The following CORO1C variants were observed in gnomAD, a reference collection of about 807,000 sequenced individuals.
CORO1C encodes the protein coronin 1C, also known as coronin-1C.
Under a neutral mutation model 51.2 loss-of-function variants are expected in CORO1C, and 14 were observed. The observed-to-expected ratio is 0.27, with a 90% CI of 0.18 to 0.43. The LOEUF (loss-of-function observed/expected upper bound fraction) is 0.43. Ranked by LOEUF, CORO1C falls within the 20% of genes least tolerant of loss-of-function variation. The pLI is 1.00. For missense variants in CORO1C, 417 were observed against 607.8 expected (o/e 0.69, Z 3.30); for synonymous variants, 181 against 210.5 (o/e 0.86, Z 1.21).
chr12:108,692,371 G>A (rs891335195), intron 2 of CORO1C, among the ~76,000 whole-genome samples: 46 of 152,324 alleles, frequency 3.0e-4, no homozygotes, highest in South Asian at 1.0e-3. Context: ...AAGGGCTACC[G>A]GCACTGCCAC....
At chr12:108,688,338 T>G (rs531075128) in intron 2 of CORO1C, among the ~76,000 whole-genome samples, 1 of 152,312 alleles carries the variant, frequency 6.6e-6, no homozygotes, top group East Asian at 1.9e-4. Flanking sequence ...TACACAAACA[T>G]GTACAGAAAA....
At chr12:108,711,548 T>C (rs1195166758) in intron 1 of CORO1C, among the ~76,000 whole-genome samples, 2 of 151,822 alleles carry the variant, frequency 1.3e-5, no homozygotes, top group Non-Finnish European at 2.9e-5. Context: ...GGCTTGGTGG[T>C]ACATGCCTGT....
intron 2 of CORO1C, among the ~76,000 whole-genome samples, chr12:108,696,566 T>A (rs2034693535): frequency 6.6e-6 from 1 of 152,184 alleles, no homozygotes; most frequent in Non-Finnish European, 1.5e-5. Context: ...GCCAACGTGG[T>A]AGATTACACA....
intron 1 of CORO1C, among the ~76,000 whole-genome samples, chr12:108,726,787 G>T (rs2035603973): frequency 6.6e-6 from 1 of 152,170 alleles, no homozygotes; most frequent in East Asian, 1.9e-4. Context: ...GTATGCATTT[G>T]GTGTGACTAA....
intron 1 of CORO1C, among the ~76,000 whole-genome samples, chr12:108,712,570 CAAAAAAAAA>C (rs138128974): frequency 1.5e-5 from 1 of 66,536 alleles, no homozygotes; most frequent in Non-Finnish European, 2.8e-5. Flanking sequence ...GAAACTGTCT[CAAAAAAAAA>C]AAAAAAAAAA....
chr12:108,660,579 C>CA (rs373525820), intron 4 of CORO1C, among the ~76,000 whole-genome samples: 10 of 151,892 alleles, frequency 6.6e-5, no homozygotes, highest in African/African-American at 2.4e-4. Context: ...TATAGGCAAA[C>CA]AGGTAACTTC....
chr12:108,667,018 T>C (rs1285986880), intron 3 of CORO1C, among the ~76,000 whole-genome samples: 1 of 152,046 alleles, frequency 6.6e-6, no homozygotes, highest in Non-Finnish European at 1.5e-5. Context: ...CATGGCTTAC[T>C]GTGCGGATAC....
rs376380472 is a variant in CORO1C at position 108,657,460 on chromosome 12, G to C, written c.631-37C>G. 6 of 1,603,432 alleles carry C rather than the reference G, an allele frequency of 3.7e-6. No individual in the cohort carries two copies. In the African/African-American group the frequency reaches 8.0e-5, roughly 21 times the overall value. Reference sequence around the variant, plus strand: ...AAAGGCACATGCCACACATTAAACTGCAAGAAGACAAGGTGAGTGGAGAAA... The same window carrying C: ...AAAGGCACATGCCACACATTAAACTCCAAGAAGACAAGGTGAGTGGAGAAA... On this transcript the variant is annotated intron_variant, in intron 5 of 10. Transcript: ENST00000261401.
chr12:108,704,619 C>T (rs2034974545), intron 1 of CORO1C, among the ~76,000 whole-genome samples: 1 of 152,188 alleles, frequency 6.6e-6, no homozygotes, highest in African/African-American at 2.4e-5. Context: ...CCAGTGCTTC[C>T]GCAGTGCTGT....
intron 1 of CORO1C, among the ~76,000 whole-genome samples, chr12:108,718,568 A>G (rs2035399036): frequency 6.6e-6 from 1 of 151,884 alleles, no homozygotes; most frequent in Non-Finnish European, 1.5e-5. Flanking sequence ...AAAGAAAAGA[A>G]AAGAAAATGA....
intron 1 of CORO1C, among the ~76,000 whole-genome samples, chr12:108,724,441 G>A (rs1237062375): frequency 6.6e-6 from 1 of 152,150 alleles, no homozygotes; most frequent in African/African-American, 2.4e-5. Context: ...AATCTGTCAA[G>A]CTCCTGCCAC....
rs2032830894 is a variant in CORO1C at position 108,654,359 on chromosome 12, C to T, written c.802G>A (p.Val268Met). Residue 268 changes from valine (V) to methionine (M), a missense_variant, in exon 7 of 11, where the codon GTG becomes ATG. Physicochemically the swap from Val to Met is conservative, Grantham distance 21. Coordinates refer to ENST00000261401, the MANE Select transcript of CORO1C (RefSeq NM_014325.4). ...ALHEMDTSNG[V>M]LLPFYDPDTS... ...TCAGGGTCATAGAAAGGCAGCAACA[C>T]CCCATTGCTAGTGTCCATCTCATGA... 1 of 1,613,326 alleles carries T rather than the reference C, an allele frequency of 6.2e-7. No individual in the cohort carries two copies. The highest frequency in any genetic ancestry group is 8.5e-7 in the Non-Finnish European group (1 of 1,179,442).
At chr12:108,661,630 A>T (rs1010091496) in intron 4 of CORO1C, among the ~76,000 whole-genome samples, 1 of 152,056 alleles carries the variant, frequency 6.6e-6, no homozygotes, top group South Asian at 2.1e-4. Context: ...GAAGGAGTGT[A>T]TTTGCCTAAT....
At chr12:108,651,768 T>C (rs1273111099) in intron 8 of CORO1C, among the ~76,000 whole-genome samples, 1 of 152,260 alleles carries the variant, frequency 6.6e-6, no homozygotes, top group Non-Finnish European at 1.5e-5. Flanking sequence ...AAATGAGGTA[T>C]TAATTCCACA....
chr12:108,708,746 G>A (rs1452403408), intron 1 of CORO1C, among the ~76,000 whole-genome samples: 1 of 152,138 alleles, frequency 6.6e-6, no homozygotes, highest in Non-Finnish European at 1.5e-5. Flanking sequence ...ACGGGCGTGA[G>A]CCACCGTGCT....
intron 4 of CORO1C, among the ~76,000 whole-genome samples, chr12:108,661,602 CA>C (rs1297270603): frequency 2.0e-5 from 3 of 151,768 alleles, no homozygotes; most frequent in Admixed American, 6.6e-5. Flanking sequence ...AGGGGAAAAT[CA>C]AAGTTTTCTT....
intron 4 of CORO1C, 30 bp downstream of exon 4, chr12:108,661,999 A>G (rs1734443328): frequency 6.2e-7 from 1 of 1,613,618 alleles, no homozygotes. Context: ...AGTGGAAGAC[A>G]AGGGGAGGAC....
At chr12:108,714,619 G>A (rs916620968) in intron 1 of CORO1C, among the ~76,000 whole-genome samples, 7 of 151,474 alleles carry the variant, frequency 4.6e-5, no homozygotes, top group East Asian at 1.9e-4. Context: ...AAAATTAGCC[G>A]GGCATGATGG....
At chr12:108,683,995 G>A (rs1411443937) in intron 2 of CORO1C, among the ~76,000 whole-genome samples, 1 of 152,122 alleles carries the variant, frequency 6.6e-6, no homozygotes, top group Non-Finnish European at 1.5e-5. Flanking sequence ...CTCACAAACA[G>A]CAACAAAAGC....
Sources: gnomAD v4.1 joint callset for allele counts (sites outside exome capture counted in the v4.1 genomes callset) on GRCh38, gnomAD v4.1.1 for gene constraint, MANE v1.5 for transcripts, NCBI Gene and HGNC (gene_info 2026-07-23, HGNC 2026-07-21) for gene names.